EEF1AKMT2: variants seen among roughly 807,000 people sequenced by gnomAD.
EEF1AKMT2 encodes eukaryotic translation elongation factor 1 alpha lysine methyltransferase 2.
In EEF1AKMT2, 32 loss-of-function variants were observed where a neutral mutation model predicts 35.8. The observed-to-expected ratio is 0.89, with a 90% CI of 0.67 to 1.20. The LOEUF is 1.20. Ranked by LOEUF, EEF1AKMT2 falls within the 50% of genes most tolerant of loss-of-function variation. The pLI is 0.00. For synonymous variants in EEF1AKMT2, 121 were observed against 133.7 expected (o/e 0.91, Z 0.65); for missense variants, 330 against 347.5 (o/e 0.95, Z 0.40).
intron 6 of EEF1AKMT2, 92 bp from the exon 7 acceptor site, chr10:124,760,595 CT>C: frequency 1.1e-6 from 1 of 917,282 alleles, no homozygotes; most frequent in Non-Finnish European, 1.7e-6. Context: ...CCATTGAACC[CT>C]TTGTAAAACT....
chr10:124,762,690 A>G (rs1204451971), intron 5 of EEF1AKMT2, 132 bp from the exon 6 acceptor site: 4 of 423,456 alleles, frequency 9.4e-6, no homozygotes, highest in Non-Finnish European at 1.3e-5. Context: ...AATCATAATA[A>G]CCGAATATTA....
At chr10:124,771,395 A>G (rs112475166) in intron 4 of EEF1AKMT2, among the ~76,000 whole-genome samples, 1,553 of 151,498 alleles carry the variant, frequency 0.01, 40 homozygotes, top group African/African-American at 0.035. Context: ...CACCGCGCCC[A>G]GCCCATTTCC....
At chr10:124,765,788 A>T (rs1950373897) in intron 4 of EEF1AKMT2, 180 bp from the exon 5 acceptor site, 1 of 549,200 alleles carries the variant, frequency 1.8e-6, no homozygotes, top group South Asian at 2.4e-5. Context: ...CAAGATCATT[A>T]AAGCCAAGAT....
intron 5 of EEF1AKMT2, among the ~76,000 whole-genome samples, chr10:124,763,723 GT>G (rs1472610746): frequency 6.6e-6 from 1 of 152,036 alleles, no homozygotes; most frequent in Non-Finnish European, 1.5e-5. Context: ...AGACAAATAT[GT>G]TTTTGTCTGC....
chr10:124,765,402 T>G lies in EEF1AKMT2; in HGVS notation c.606A>C (p.Glu202Asp). 6.2e-7 allele frequency: 1 copy of G among 1,613,744 alleles called. No homozygotes were observed. The highest frequency in any genetic ancestry group is 8.5e-7 in the Non-Finnish European group (1 of 1,179,766). Residue 202 changes from glutamate to aspartate, a missense_variant, in exon 5 of 7, where the codon GAA becomes GAC. Coordinates refer to ENST00000368836, the MANE Select transcript of EEF1AKMT2 (RefSeq NM_212554.4). ...CATATAGTCACTTACCTTCACTGAA[T>G]TCATTTAGCAACTCTTCCTTGGTCC... is the stretch of plus-strand genomic sequence containing the variant. ...CNWTKEELLNEFSEGWSTVAG... is the reference protein window; with the variant it reads ...CNWTKEELLNDFSEGWSTVAG...
chr10:124,786,672 G>T (rs1250981607), intron 3 of EEF1AKMT2, among the ~76,000 whole-genome samples: 1 of 148,994 alleles, frequency 6.7e-6, no homozygotes, highest in Non-Finnish European at 1.5e-5. Flanking sequence ...AATTAACCAG[G>T]CATGGTGTAC....
intron 3 of EEF1AKMT2, 122 bp from the exon 4 acceptor site, chr10:124,774,904 TC>T: frequency 2.5e-6 from 1 of 404,844 alleles, no homozygotes; most frequent in Non-Finnish European, 4.2e-6. Flanking sequence ...TGACATATAA[TC>T]CAATTCATAA....
intron 3 of EEF1AKMT2, among the ~76,000 whole-genome samples, chr10:124,783,516 T>A (rs1248931480): frequency 6.6e-6 from 1 of 152,134 alleles, no homozygotes; most frequent in Admixed American, 6.6e-5. Flanking sequence ...CTGTGGAAAA[T>A]GGTCCAGCAG....
At chr10:124,775,279 C>G (rs1027149522) in intron 3 of EEF1AKMT2, among the ~76,000 whole-genome samples, 4 of 152,158 alleles carry the variant, frequency 2.6e-5, no homozygotes, top group Non-Finnish European at 5.9e-5. Context: ...ACTACTTTTA[C>G]GTCTTTAAAA....
intron 3 of EEF1AKMT2, among the ~76,000 whole-genome samples, chr10:124,785,554 A>C (rs1950577069): frequency 6.6e-6 from 1 of 152,136 alleles, no homozygotes; most frequent in African/African-American, 2.4e-5. Flanking sequence ...TAAGTAAACA[A>C]TCCAATTTAA....
intron 4 of EEF1AKMT2, among the ~76,000 whole-genome samples, chr10:124,772,799 C>A (rs2363340): frequency 0.49 from 74,094 of 152,004 alleles, 20,043 homozygotes; most frequent in South Asian, 0.64. Context: ...GCAGCTTCTT[C>A]ACCTCTCTCA....
chr10:124,773,601 G>A (rs1950458306), intron 4 of EEF1AKMT2, among the ~76,000 whole-genome samples: 1 of 152,156 alleles, frequency 6.6e-6, no homozygotes, highest in East Asian at 1.9e-4. Flanking sequence ...GGCTTGAGGA[G>A]GAGGGAGGAA....
At chr10:124,790,890 G>C (rs566005110) in intron 1 of EEF1AKMT2, among the ~76,000 whole-genome samples, 196 of 152,106 alleles carry the variant, frequency 1.3e-3, no homozygotes, top group African/African-American at 4.6e-3. Flanking sequence ...TCAGCCTCCC[G>C]AGTAGCTGGG....
At position 124,758,367 on chromosome 10, in the gene EEF1AKMT2, T is replaced by C. The variant is rs1007130291; in HGVS notation, c.*2136A>G. On this transcript the variant is annotated 3_prime_UTR_variant, in exon 7 of 7. Transcript: ENST00000368836. ...TTTACAGTTTGGTATTATGTGAAAA[T>C]ACTAATTTCTTATTAGCATTTTTGG... 1.3e-5 allele frequency: 2 copies of C among 152,222 alleles called. No individual in the cohort carries two copies. Among genetic ancestry groups the C allele is most frequent in the Non-Finnish European group, 2.9e-5 (2 of 68,044 alleles). The allele number at this position is 152,222 out of a possible 1,614,324, so 9.4% of individuals were successfully genotyped here.
chr10:124,776,020 C>A (rs1017389264), intron 3 of EEF1AKMT2, among the ~76,000 whole-genome samples: 3 of 151,940 alleles, frequency 2.0e-5, no homozygotes, highest in African/African-American at 7.3e-5. Flanking sequence ...CGGGTTCACA[C>A]CATTCTCCCA....
chr10:124,788,428 A>G (rs1357376796), intron 3 of EEF1AKMT2, among the ~76,000 whole-genome samples: 3 of 152,086 alleles, frequency 2.0e-5, no homozygotes, highest in African/African-American at 7.2e-5. Flanking sequence ...AATGCCAAAC[A>G]TGAGGCTTGG....
rs1038680661 is a variant in EEF1AKMT2 at position 124,757,941 on chromosome 10, A to G, written c.*2562T>C. Reference sequence around the variant, plus strand: ...CAACTCTAACTTGTGCACCTGGCTTAAAACAAAATGTACTGAAAACTTTGT... The same window carrying G: ...CAACTCTAACTTGTGCACCTGGCTTGAAACAAAATGTACTGAAAACTTTGT... On this transcript the variant is annotated 3_prime_UTR_variant, in exon 7 of 7. Transcript: ENST00000368836. 2.0e-5 allele frequency: 3 copies of G among 152,356 alleles called. No individual in the cohort carries two copies. Among genetic ancestry groups the G allele is most frequent in the Non-Finnish European group, 2.9e-5 (2 of 68,028 alleles). The allele number at this position is 152,356 out of a possible 1,614,324, so 9.4% of individuals were successfully genotyped here.
chr10:124,765,889 C>T (rs1026496530), intron 4 of EEF1AKMT2: 23 of 257,746 alleles, frequency 8.9e-5, no homozygotes, highest in Non-Finnish European at 1.6e-4. Flanking sequence ...ATAATACCAG[C>T]ACATTATGGA....
chr10:124,790,182 C>T (rs1039338588), intron 2 of EEF1AKMT2, 91 bp downstream of exon 2: 8 of 1,021,326 alleles, frequency 7.8e-6, no homozygotes, highest in Non-Finnish European at 1.2e-5. Context: ...CGTAAGCCAC[C>T]GCGCCCGGCG....
Sources: allele counts gnomAD v4.1 joint callset (sites outside exome capture counted in the v4.1 genomes callset), GRCh38; gene constraint gnomAD v4.1.1; transcripts MANE v1.5; gene names NCBI Gene and HGNC (gene_info 2026-07-23, HGNC 2026-07-21).